The following NSD1 variants were observed in gnomAD, a reference collection of about 807,000 sequenced individuals.
NSD1 encodes the protein histone-lysine N-methyltransferase, H3 lysine-36 specific.
NSD1 carries 26 observed loss-of-function variants against 242.7 expected under a neutral mutation model. The observed-to-expected ratio is 0.11, with a 90% confidence interval of 0.08 to 0.15. The LOEUF (loss-of-function observed/expected upper bound fraction) is 0.15, where lower values mean the gene tolerates loss of function less well. Among genes scored for constraint, NSD1 ranks in the 10% least tolerant of loss-of-function variants. NSD1 has a pLI of 1.00. For synonymous variants in NSD1, 1,106 were observed against 1,178.1 expected (o/e 0.94, Z 1.25); for missense variants, 2,495 against 3,272.8 (o/e 0.76, Z 5.80).
At chr5:177,200,639 A>G (rs1009741162) in intron 3 of NSD1, among the ~76,000 whole-genome samples, 1 of 152,176 alleles carries the variant, frequency 6.6e-6, no homozygotes, top group Non-Finnish European at 1.5e-5. Flanking sequence ...GATACCACAT[A>G]TAACTAGAAT....
rs10564918 is a variant in NSD1 at position 177,158,998 on chromosome 5, T to TTATATA, written c.927+22990_927+22995dup. ...TATACACACATATATATGAATGATT[T>TTATATA]TATATATATATATATATATATATAT... On this transcript the variant is annotated intron_variant, in intron 2 of 22. Coordinates refer to ENST00000439151, the MANE Select transcript of NSD1 (RefSeq NM_022455.5). Among the ~76,000 whole-genome samples the TTATATA allele has an allele frequency of 7.8e-3, 962 of 122,558 alleles. 10 individuals are homozygous for TTATATA. Among genetic ancestry groups the TTATATA allele is most frequent in the Middle Eastern group, 0.02 (5 of 246 alleles). 80.4% of individuals were successfully genotyped at this position (122,558 alleles called of 152,430 possible).
At chr5:177,186,022 ATTATATATTTT>A (rs1311852658) in intron 2 of NSD1, among the ~76,000 whole-genome samples, 2 of 101,458 alleles carry the variant, frequency 2.0e-5, no homozygotes, top group Non-Finnish European at 3.6e-5. Flanking sequence ...TATATTATAT[ATTATATATTTT>A]TTATATATAT....
intron 14 of NSD1, chr5:177,265,300 C>T: frequency 1.5e-6 from 1 of 655,420 alleles, no homozygotes; most frequent in Non-Finnish European, 2.7e-6. Context: ...CAAAAGTCAG[C>T]ATGGGAATAA....
Position 177,238,620 on chromosome 5 carries a change from C to A in NSD1, c.4192+113C>A. ...TGTATCTATATACAATAAACTACCC[C>A]CTTTTGTCCTGGGAAATACTTAAAA... On this transcript the variant is annotated intron_variant, in intron 7 of 22. Coordinates refer to ENST00000439151, the MANE Select transcript of NSD1 (RefSeq NM_022455.5). The surrounding 1 kb of genome is among the most constrained non-coding windows in gnomAD (Gnocchi z 4.6). 1 of 1,207,618 alleles carries A rather than the reference C, an allele frequency of 8.3e-7. No homozygotes were observed. The highest frequency in any genetic ancestry group is 1.2e-6 in the Non-Finnish European group (1 of 829,650). The allele number at this position is 1,207,618 out of a possible 1,614,324, so 74.8% of individuals were successfully genotyped here.
Position 177,296,271 on chromosome 5 carries a change from G to A in NSD1, c.*812G>A. On this transcript the variant is annotated 3_prime_UTR_variant, in exon 23 of 23. Coordinates refer to ENST00000439151, the MANE Select transcript of NSD1 (RefSeq NM_022455.5). ...AAGATCAGTCCTTGGAGGAGCAGGTGGTCAGGGGCAGTCGGGCTCTGTGCG... is the reference window on the plus strand; with the variant it reads ...AAGATCAGTCCTTGGAGGAGCAGGTAGTCAGGGGCAGTCGGGCTCTGTGCG... 4.3e-6 allele frequency: 1 copy of A among 233,614 alleles called. No individual in the cohort carries two copies. Among genetic ancestry groups the A allele is most frequent in the Non-Finnish European group, 8.5e-6 (1 of 118,212 alleles). 14.5% of individuals were successfully genotyped at this position (233,614 alleles called of 1,614,324 possible). A position where few individuals can be genotyped will look rare whatever the true frequency, so the allele number is the denominator to read the frequency against.
chr5:177,227,202 T>A (rs1445709069), intron 5 of NSD1, among the ~76,000 whole-genome samples: 1 of 152,160 alleles, frequency 6.6e-6, no homozygotes, highest in African/African-American at 2.4e-5. Context: ...ATACTGGTTT[T>A]GTAGATGTTT....
Position 177,135,143 on chromosome 5 carries a change from C to T in NSD1, c.40C>T (p.Leu14=), listed in dbSNP as rs765274455. ...TGAACTACCCAGAAGAAATTGTCTGCTGCCCTTTTCCAATCCAGTGAATTT... is the reference window on the plus strand; with the variant it reads ...TGAACTACCCAGAAGAAATTGTCTGTTGCCCTTTTCCAATCCAGTGAATTT... ...TCELPRRNCL[L]PFSNPVNLDA... is the part of the protein sequence containing the mutation. Residue 14 remains leucine, a synonymous_variant, in exon 2 of 23, where the codon CTG becomes TTG. Coordinates refer to ENST00000439151, the MANE Select transcript of NSD1 (RefSeq NM_022455.5). The T allele has an allele frequency of 1.5e-5, 25 of 1,614,212 alleles. No homozygotes were observed. The highest frequency in any genetic ancestry group is 2.0e-5 in the Non-Finnish European group (24 of 1,180,028).
Position 177,210,580 on chromosome 5 carries a change from G to C in NSD1, c.2181G>C (p.Gln727His), listed in dbSNP as rs187079718. The C allele has an allele frequency of 1.2e-6, 2 of 1,614,102 alleles. No individual in the cohort carries two copies. The highest frequency in any genetic ancestry group is 3.3e-5 in the Admixed American group (2 of 60,000). The change falls in exon 5 of 23, where the codon CAG (glutamine) becomes CAC (histidine). Residue 727 changes from glutamine (Q) to histidine (H), a missense_variant. Physicochemically the swap from Gln to His is conservative, Grantham distance 24 (BLOSUM62 0). Around this residue, in one of 19 missense-constraint regions of NSD1, gnomAD observed 515 missense variants for 467.0 expected, o/e 1.10. Coordinates refer to ENST00000439151, the MANE Select transcript of NSD1 (RefSeq NM_022455.5). ...KSAEPGTETSQVNLSDLKAST... is the reference protein window; with the variant it reads ...KSAEPGTETSHVNLSDLKAST... ...CAGAGCCTGGAACCGAGACGTCTCA[G>C]GTTAATCTCTCTGATCTGAAGGCAT...
Position 177,135,869 on chromosome 5 carries a change from G to A in NSD1, c.766G>A (p.Ala256Thr), listed in dbSNP as rs1278042931. 1 of 1,606,692 alleles carries A rather than the reference G, an allele frequency of 6.2e-7. No homozygotes were observed. Among genetic ancestry groups the A allele is most frequent in the Non-Finnish European group, 8.5e-7 (1 of 1,174,410 alleles). Residue 256 changes from alanine (A) to threonine (T), a missense_variant, in exon 2 of 23, where the codon GCC becomes ACC. This residue lies in a region of NSD1 where 376 missense variants were observed against 367.4 expected (regional missense o/e 1.02). Coordinates refer to ENST00000439151, the MANE Select transcript of NSD1 (RefSeq NM_022455.5). ...CAATGAAAAAGCAGCCCTTCTCCCA[G>A]CCCCCTTTTCACTAGGAGACACAAA... Reference protein sequence around the residue: ...GSNEKAALLPAPFSLGDTNIT... With the variant: ...GSNEKAALLPTPFSLGDTNIT...
intron 2 of NSD1, among the ~76,000 whole-genome samples, chr5:177,148,849 C>T (rs1283295088): frequency 2.0e-5 from 3 of 152,108 alleles, no homozygotes; most frequent in East Asian, 1.9e-4. Context: ...GACGGAGTCT[C>T]GCCCTGTTGC....
chr5:177,179,338 C>T (rs754652915), intron 2 of NSD1, among the ~76,000 whole-genome samples: 1 of 152,130 alleles, frequency 6.6e-6, no homozygotes, highest in Non-Finnish European at 1.5e-5. Flanking sequence ...GCCTCAGCCT[C>T]CCTAGTAGCA....
chr5:177,218,688 T>C (rs942715116), intron 5 of NSD1, among the ~76,000 whole-genome samples: 8 of 151,568 alleles, frequency 5.3e-5, no homozygotes, highest in South Asian at 2.1e-4. Flanking sequence ...CTGCCTCGGC[T>C]TCCTGAGTAG....
chr5:177,210,222 A>G lies in NSD1; in HGVS notation c.1823A>G (p.Lys608Arg). 1.3e-6 allele frequency: 2 copies of G among 1,594,918 alleles called. No homozygotes were observed. The highest frequency in any genetic ancestry group is 2.3e-5 in the South Asian group (2 of 88,096). Residue 608 changes from lysine to arginine, a missense_variant, in exon 5 of 23, where the codon AAA (lysine) becomes AGA (arginine). This residue lies in a region of NSD1 where 515 missense variants were observed against 467.0 expected (regional missense o/e 1.10). Transcript: ENST00000439151. ...LISKCSREKNKPQRSLVCGSK... is the reference protein window; with the variant it reads ...LISKCSREKNRPQRSLVCGSK... ...TCAAAGTGTTCTCGAGAGAAGAATA[A>G]ACCCCAACGAAGCCTGGTGTGTGGT... is the stretch of plus-strand genomic sequence containing the variant.
chr5:177,265,616 C>T, intron 14 of NSD1: 21 of 1,490,536 alleles, frequency 1.4e-5, no homozygotes, highest in Non-Finnish European at 2.0e-5. Context: ...GCACAGATGG[C>T]CCCTGAAATC....
intron 2 of NSD1, among the ~76,000 whole-genome samples, chr5:177,163,001 C>CA (rs1758881374): frequency 6.6e-6 from 1 of 151,994 alleles, no homozygotes; most frequent in South Asian, 2.1e-4. Flanking sequence ...TTTCAAGAGA[C>CA]AGGGTCTCCC....
chr5:177,136,926 G>A (rs910216751), intron 2 of NSD1: 17 of 701,036 alleles, frequency 2.4e-5, no homozygotes, highest in Middle Eastern at 2.3e-4. Context: ...GGGCTCATTC[G>A]ATCCTCCTGC....
chr5:177,245,119 C>T (rs1344479662), intron 9 of NSD1, among the ~76,000 whole-genome samples: 2 of 152,096 alleles, frequency 1.3e-5, no homozygotes, highest in East Asian at 3.8e-4. Context: ...GTTAAGCTGA[C>T]ATGTAGCTTA....
intron 20 of NSD1, among the ~76,000 whole-genome samples, chr5:177,284,461 T>TG (rs1759141017): frequency 6.6e-6 from 1 of 152,092 alleles, no homozygotes; most frequent in Non-Finnish European, 1.5e-5. Context: ...TTTTGTTTTT[T>TG]TTTTGTAGAG....
chr5:177,182,179 T>C (rs1760748470), intron 2 of NSD1, among the ~76,000 whole-genome samples: 1 of 151,192 alleles, frequency 6.6e-6, no homozygotes, highest in Non-Finnish European at 1.5e-5. Flanking sequence ...TAGCTGGTCA[T>C]AGTGGTATGC....
Sources: allele counts gnomAD v4.1 joint callset (sites outside exome capture counted in the v4.1 genomes callset), GRCh38; gene constraint gnomAD v4.1.1; regional missense constraint gnomAD v4.1.1; non-coding constraint Gnocchi (gnomAD v3.1); transcripts MANE v1.5; gene names NCBI Gene and HGNC (gene_info 2026-07-23, HGNC 2026-07-21).